The following FAM204A variants were observed in gnomAD, a reference collection of about 807,000 sequenced individuals.
FAM204A encodes the protein protein FAM204A.
Under a neutral mutation model 35.4 loss-of-function variants are expected in FAM204A, and 16 were observed. The ratio of observed to expected loss-of-function variants is 0.45; its 90% CI spans 0.31 to 0.69. The LOEUF (loss-of-function observed/expected upper bound fraction) is 0.69, where lower values mean the gene tolerates loss of function less well. Ranked by LOEUF, FAM204A falls within the 30% of genes least tolerant of loss-of-function variation. The pLI is 0.07. For synonymous variants in FAM204A, 76 were observed against 86.9 expected (o/e 0.88, Z 0.70); for missense variants, 240 against 265.7 (o/e 0.90, Z 0.67).
chr10:118,316,545 T>C (rs1339825352), intron 7 of FAM204A, among the ~76,000 whole-genome samples: 1 of 152,184 alleles, frequency 6.6e-6, no homozygotes, highest in African/African-American at 2.4e-5. Context: ...ATGCACAGGT[T>C]TGCATATGTT....
At chr10:118,312,131 T>C (rs1431997848) in intron 7 of FAM204A, among the ~76,000 whole-genome samples, 1 of 152,242 alleles carries the variant, frequency 6.6e-6, no homozygotes, top group African/African-American at 2.4e-5. Context: ...AGGATAAGCA[T>C]TGTGATGGTA....
At chr10:118,328,410 G>C (rs1846232836) in intron 6 of FAM204A, among the ~76,000 whole-genome samples, 1 of 151,838 alleles carries the variant, frequency 6.6e-6, no homozygotes, top group African/African-American at 2.4e-5. Flanking sequence ...AAACTTGCTG[G>C]AAATGCAAAT....
At position 118,301,611 on chromosome 10, in the gene FAM204A, T is replaced by G. The variant is rs1457051211; in HGVS notation, c.*9246A>C. On this transcript the variant is annotated 3_prime_UTR_variant, in exon 9 of 9. Coordinates refer to ENST00000369183, the MANE Select transcript of FAM204A (RefSeq NM_022063.3). ...AAGATAGTTTGGAACAAAAGGGTAC[T>G]TAGTGCCTTGCTTCCAAGACGTGTA... is the stretch of plus-strand genomic sequence containing the variant. 6.6e-6 allele frequency: 1 copy of G among 152,184 alleles called. No individual in the cohort carries two copies. Among genetic ancestry groups the G allele is most frequent in the Non-Finnish European group, 1.5e-5 (1 of 68,032 alleles). The allele number at this position is 152,184 out of a possible 1,614,324, so 9.4% of individuals were successfully genotyped here.
chr10:118,311,885 T>C lies in FAM204A; in HGVS notation c.544-572A>G, dbSNP rs9665330. Among the ~76,000 whole-genome samples, 327 of 152,320 alleles carry C rather than the reference T, an allele frequency of 2.1e-3. 1 individual carries two copies. Among genetic ancestry groups the C allele is most frequent in the African/African-American group, 7.6e-3 (317 of 41,572 alleles). On this transcript the variant is annotated intron_variant, in intron 7 of 8. Transcript: ENST00000369183. ...ATCAGGGGTGCTAAGGTGAAAAGGC[T>C]GAGCACCAGGACCACAGTACTTAAG...
chr10:118,312,129 C>T (rs917955039), intron 7 of FAM204A, among the ~76,000 whole-genome samples: 3 of 152,230 alleles, frequency 2.0e-5, no homozygotes, highest in African/African-American at 7.2e-5. Flanking sequence ...CCAGGATAAG[C>T]ATTGTGATGG....
At position 118,298,722 on chromosome 10, in the gene FAM204A, G is replaced by A. The variant is rs1220967989; in HGVS notation, c.*12135C>T. Reference sequence around the variant, plus strand: ...TTATTTTTGGCACTAGGAAACATGAGGACCAGTGATGAAATGTCTGGGGAA... The same window carrying A: ...TTATTTTTGGCACTAGGAAACATGAAGACCAGTGATGAAATGTCTGGGGAA... On this transcript the variant is annotated 3_prime_UTR_variant, in exon 9 of 9. Transcript: ENST00000369183. 2.6e-5 allele frequency: 4 copies of A among 152,184 alleles called. No individual in the cohort carries two copies. Among genetic ancestry groups the A allele is most frequent in the African/African-American group, 7.2e-5 (3 of 41,436 alleles). 9.4% of individuals were successfully genotyped at this position (152,184 alleles called of 1,614,324 possible).
At position 118,324,999 on chromosome 10, in the gene FAM204A, A is replaced by T. The variant is rs147904087; in HGVS notation, c.543+1155T>A. ...TAGTCATTAATATATATTCTCTCTC[A>T]CACACACACACAAACACATACACAC... On this transcript the variant is annotated intron_variant, in intron 7 of 8. Coordinates refer to ENST00000369183, the MANE Select transcript of FAM204A (RefSeq NM_022063.3). Among the ~76,000 whole-genome samples the T allele has an allele frequency of 4.0e-3, 607 of 151,820 alleles. 4 individuals carry two copies. The highest frequency in any genetic ancestry group is 0.014 in the African/African-American group (560 of 41,444).
Position 118,302,378 on chromosome 10 carries a change from A to G in FAM204A, c.*8479T>C, listed in dbSNP as rs916375018. 1 of 152,246 alleles carries G rather than the reference A, an allele frequency of 6.6e-6. No individual in the cohort carries two copies. Among genetic ancestry groups the G allele is most frequent in the Non-Finnish European group, 1.5e-5 (1 of 68,052 alleles). The allele number at this position is 152,246 out of a possible 1,614,324, so 9.4% of individuals were successfully genotyped here. ...CGTCACTGCCACAGGCTACGGAGGT[A>G]AAGGAAGCAGCAAAACAAATCTTGA... On this transcript the variant is annotated 3_prime_UTR_variant, in exon 9 of 9. Coordinates refer to ENST00000369183, the MANE Select transcript of FAM204A (RefSeq NM_022063.3).
chr10:118,299,871 T>A lies in FAM204A; in HGVS notation c.*10986A>T, dbSNP rs1479891634. The stretch of plus-strand genomic sequence containing the variant: ...CCTATTTTTACTAACAATTTTTCCA[T>A]TAGCACGTCTTGAAAACCACAATTC... On this transcript the variant is annotated 3_prime_UTR_variant, in exon 9 of 9. Transcript: ENST00000369183. 1 of 152,226 alleles carries A rather than the reference T, an allele frequency of 6.6e-6. No homozygotes were observed. The highest frequency in any genetic ancestry group is 1.9e-4 in the East Asian group (1 of 5,200). The allele number at this position is 152,226 out of a possible 1,614,324, so 9.4% of individuals were successfully genotyped here. A position where few individuals can be genotyped will look rare whatever the true frequency, so the allele number is the denominator to read the frequency against.
chr10:118,331,127 C>T (rs1317153236), intron 6 of FAM204A, among the ~76,000 whole-genome samples: 5 of 152,164 alleles, frequency 3.3e-5, no homozygotes, highest in Non-Finnish European at 4.4e-5. Flanking sequence ...CAAGCTCAGA[C>T]CCAAGTACAA....
chr10:118,335,445 G>A lies in FAM204A; in HGVS notation c.323-19C>T, dbSNP rs372206344. 2.2e-5 allele frequency: 35 copies of A among 1,597,526 alleles called. No individual in the cohort carries two copies. In the African/African-American group the frequency reaches 4.6e-4, roughly 21 times the overall value. Reference sequence around the variant, plus strand: ...AATTTATCTGAAAAGAATTCACAAAGTGTCAATACCTAACTTCAGTAATTT... The same window carrying A: ...AATTTATCTGAAAAGAATTCACAAAATGTCAATACCTAACTTCAGTAATTT... On this transcript the variant is annotated intron_variant, in intron 4 of 8. Coordinates refer to ENST00000369183, the MANE Select transcript of FAM204A (RefSeq NM_022063.3).
rs2119786618 is a variant in FAM204A, at chr10:118,309,603, T to C, written c.*1254A>G. ...TGTTCACCTGCTTGTTTTATGATTT[T>C]CTGGAGCCCCTTTCCTGTCAGAACC... On this transcript the variant is annotated 3_prime_UTR_variant, in exon 9 of 9. Transcript: ENST00000369183. 1 of 152,262 alleles carries C rather than the reference T, an allele frequency of 6.6e-6. No homozygotes were observed. Among genetic ancestry groups the C allele is most frequent in the East Asian group, 1.9e-4 (1 of 5,168 alleles). 9.4% of individuals were successfully genotyped at this position (152,262 alleles called of 1,614,324 possible).
At chr10:118,325,833 T>G (rs1026420543) in intron 7 of FAM204A, among the ~76,000 whole-genome samples, 1 of 151,994 alleles carries the variant, frequency 6.6e-6, no homozygotes, top group African/African-American at 2.4e-5. Context: ...TTCAAATGAG[T>G]TAAAGATGCA....
chr10:118,313,531 G>A (rs1845984874), intron 7 of FAM204A, among the ~76,000 whole-genome samples: 1 of 152,174 alleles, frequency 6.6e-6, no homozygotes, highest in South Asian at 2.1e-4. Context: ...ACTCTCTTCT[G>A]CTGTAAATCA....
At chr10:118,310,999 A>T in intron 8 of FAM204A, 91 bp from the exon 9 acceptor site, 2 of 1,321,996 alleles carry the variant, frequency 1.5e-6, no homozygotes, top group Middle Eastern at 3.9e-4. Context: ...AGCAAAACAA[A>T]CAAAAATTTT....
chr10:118,335,050 T>C, intron 6 of FAM204A, 64 bp downstream of exon 6: 7 of 1,182,150 alleles, frequency 5.9e-6, no homozygotes, highest in Non-Finnish European at 8.7e-6. Context: ...ACAAGTACTT[T>C]AGGCGAGGCT....
Position 118,307,345 on chromosome 10 carries a change from G to A in FAM204A, c.*3512C>T, listed in dbSNP as rs1845879618. ...GTCAGAGCTAAGACTTTAGTAGAGT[G>A]TAAATTTTAAGCCAATGAATAAACA... On this transcript the variant is annotated 3_prime_UTR_variant, in exon 9 of 9. Transcript: ENST00000369183. 2 of 152,144 alleles carry A rather than the reference G, an allele frequency of 1.3e-5. No individual in the cohort carries two copies. Among genetic ancestry groups the A allele is most frequent in the African/African-American group, 4.8e-5 (2 of 41,430 alleles). 9.4% of individuals were successfully genotyped at this position (152,144 alleles called of 1,614,324 possible). A position where few individuals can be genotyped will look rare whatever the true frequency, so the allele number is the denominator to read the frequency against.
rs148200432 is a variant in FAM204A, at chr10:118,333,298, C to G, written c.453+1816G>C. On this transcript the variant is annotated intron_variant, in intron 6 of 8. Coordinates refer to ENST00000369183, the MANE Select transcript of FAM204A (RefSeq NM_022063.3). ...CTCTCAGATATGGTAACAGATTAGC[C>G]TCTGCTCCAGAGAAACAAAATAGTG... 5.2e-4 allele frequency among the ~76,000 whole-genome samples: 79 copies of G among 152,338 alleles called. No homozygotes were observed. In the East Asian group the frequency reaches 0.015, roughly 28 times the overall value.
intron 6 of FAM204A, among the ~76,000 whole-genome samples, chr10:118,328,532 C>T (rs1251820891): frequency 6.9e-6 from 1 of 144,450 alleles, no homozygotes; most frequent in South Asian, 2.2e-4. Flanking sequence ...CTTACTCTGT[C>T]GCCAGGCTGG....
Sources: gnomAD v4.1 joint callset for allele counts (sites outside exome capture counted in the v4.1 genomes callset) on GRCh38, gnomAD v4.1.1 for gene constraint, MANE v1.5 for transcripts, NCBI Gene and HGNC (gene_info 2026-07-23, HGNC 2026-07-21) for gene names.